Variants in LAMA2 observed in about 807,000 individuals in gnomAD.
LAMA2 encodes laminin subunit alpha 2.
Under a neutral mutation model 364.8 loss-of-function variants are expected in LAMA2, and 269 were observed. The observed-to-expected ratio is 0.74, with a 90% CI of 0.67 to 0.82. The LOEUF (loss-of-function observed/expected upper bound fraction) is 0.82. LAMA2 is among the 40% of genes least tolerant of loss of function. The pLI, the probability that LAMA2 is intolerant of heterozygous loss-of-function variation, is 0.00. For synonymous variants in LAMA2, 1,379 were observed against 1,370.6 expected, an observed-to-expected ratio of 1.01 and a Z score of -0.14; for missense variants, 3,807 against 3,873.2, an observed-to-expected ratio of 0.98 and a Z score of 0.45.
At chr6:129,438,982 A>G (rs1781969998) in intron 42 of LAMA2, among the ~76,000 whole-genome samples, 1 of 151,962 alleles carries the variant, frequency 6.6e-6, no homozygotes, top group Non-Finnish European at 1.5e-5. Context: ...CAGTATCCTT[A>G]GGAATGTGTT....
chr6:129,059,853 G>A lies in LAMA2; in HGVS notation c.353G>A (p.Gly118Glu), dbSNP rs1178373769. ...TGGCAGAGTCCCAGTATTAAGAATGGAATCGAATACCATTATGTGACAATT... is the reference window on the plus strand; with the variant it reads ...TGGCAGAGTCCCAGTATTAAGAATGAAATCGAATACCATTATGTGACAATT... ...TWWQSPSIKN[G>E]IEYHYVTITL... is the part of the protein sequence containing the mutation. Residue 118 changes from glycine to glutamate, a missense_variant, in exon 3 of 65, where the codon GGA (glycine) becomes GAA (glutamate). Physicochemically the swap from Gly to Glu is moderately conservative, Grantham distance 98. Around this residue, in one of 3 missense-constraint regions of LAMA2, gnomAD observed 394 missense variants for 403.5 expected, o/e 0.98. Coordinates refer to ENST00000421865, the MANE Select transcript of LAMA2 (RefSeq NM_000426.4). 6.2e-7 allele frequency: 1 copy of A among 1,606,962 alleles called. No homozygotes were observed.
At chr6:129,010,708 G>T (rs550877355) in intron 1 of LAMA2, among the ~76,000 whole-genome samples, 1 of 152,244 alleles carries the variant, frequency 6.6e-6, no homozygotes, top group South Asian at 2.1e-4. Context: ...ATTATTTGTC[G>T]TGGTAACACA....
intron 9 of LAMA2, among the ~76,000 whole-genome samples, chr6:129,166,130 G>A (rs1051156795): frequency 1.3e-5 from 2 of 152,124 alleles, no homozygotes; most frequent in Non-Finnish European, 2.9e-5. Context: ...AATATAGAAA[G>A]CAAGAAGTGT....
chr6:129,410,414 T>G (rs977451378), intron 40 of LAMA2, among the ~76,000 whole-genome samples: 1 of 152,170 alleles, frequency 6.6e-6, no homozygotes, highest in African/African-American at 2.4e-5. Flanking sequence ...TTGCAATGAC[T>G]GTCATTTTGT....
At chr6:129,501,362 C>T (rs2114884145) in intron 58 of LAMA2, among the ~76,000 whole-genome samples, 1 of 152,328 alleles carries the variant, frequency 6.6e-6, no homozygotes, top group Admixed American at 6.5e-5. Flanking sequence ...CGGCCACAGT[C>T]TGCTCTTTAT....
intron 28 of LAMA2, 51 bp downstream of exon 28, chr6:129,320,706 A>C (rs751005200): frequency 6.6e-5 from 63 of 954,426 alleles, no homozygotes; most frequent in Non-Finnish European, 1.1e-4. Flanking sequence ...TCAGGAGCTA[A>C]ATGGAAATAC....
intron 4 of LAMA2, among the ~76,000 whole-genome samples, chr6:129,113,083 G>A (rs62420963): frequency 6.6e-6 from 1 of 152,028 alleles, no homozygotes; most frequent in Non-Finnish European, 1.5e-5. Flanking sequence ...AGGATGTTTA[G>A]CAGCATAAGG....
rs752992990 is a variant in LAMA2 at position 129,098,297 on chromosome 6, C to G, written c.521C>G (p.Thr174Arg). The G allele has an allele frequency of 7.4e-6, 12 of 1,614,074 alleles. No homozygotes were observed. Among genetic ancestry groups the G allele is most frequent in the Middle Eastern group, 1.6e-4 (1 of 6,062 alleles). ...KPWQYHAVTD[T>R]ECLTLYNIYP... ...TGGCAGTATCATGCTGTGACAGACA[C>G]GGAGTGCCTAACGCTTTACAATATT... Residue 174 changes from threonine (T) to arginine (R), a missense_variant, in exon 4 of 65, where the codon ACG becomes AGG. Transcript: ENST00000421865.
At chr6:129,267,467 G>A (rs1787601212) in intron 16 of LAMA2, among the ~76,000 whole-genome samples, 1 of 151,868 alleles carries the variant, frequency 6.6e-6, no homozygotes, top group African/African-American at 2.4e-5. Flanking sequence ...TTTTTATAAG[G>A]CATAACTTCT....
intron 44 of LAMA2, 27 bp from the exon 45 acceptor site, chr6:129,445,640 C>A: frequency 6.2e-7 from 1 of 1,604,750 alleles, no homozygotes; most frequent in Non-Finnish European, 8.5e-7. Flanking sequence ...CATGCATATA[C>A]ATGCACACTA....
chr6:129,350,215 G>A (rs962339579), intron 31 of LAMA2, among the ~76,000 whole-genome samples: 1 of 152,190 alleles, frequency 6.6e-6, no homozygotes, highest in African/African-American at 2.4e-5. Context: ...ACACATGATA[G>A]TTTTAGCATA....
intron 1 of LAMA2, among the ~76,000 whole-genome samples, chr6:128,920,638 G>A (rs943742252): frequency 3.3e-5 from 5 of 149,648 alleles, no homozygotes; most frequent in African/African-American, 9.9e-5. Flanking sequence ...GTTTCTCTAG[G>A]GCCTTATAAG....
At chr6:128,949,487 T>A (rs115279490) in intron 1 of LAMA2, among the ~76,000 whole-genome samples, 276 of 151,130 alleles carry the variant, frequency 1.8e-3, no homozygotes, top group African/African-American at 6.5e-3. Context: ...AATATCAAAA[T>A]GTGGAAATGT....
intron 16 of LAMA2, 23 bp from the exon 17 acceptor site, chr6:129,270,601 T>C: frequency 6.2e-7 from 1 of 1,612,452 alleles, no homozygotes; most frequent in Non-Finnish European, 8.5e-7. Flanking sequence ...AATAATAAAC[T>C]CTGATGCTCA....
chr6:129,427,944 T>C (rs1354398173), intron 41 of LAMA2, 90 bp downstream of exon 41: 2 of 848,310 alleles, frequency 2.4e-6, no homozygotes, highest in African/African-American at 3.4e-5. Context: ...ATGTAATTTC[T>C]TTAGCATGAT....
intron 1 of LAMA2, among the ~76,000 whole-genome samples, chr6:129,029,633 T>G (rs750329705): frequency 6.6e-6 from 1 of 151,972 alleles, no homozygotes; most frequent in Non-Finnish European, 1.5e-5. Flanking sequence ...TTGGTAATGA[T>G]GAGCAATTTT....
chr6:129,369,316 A>G (rs1329781349), intron 33 of LAMA2, among the ~76,000 whole-genome samples: 1 of 152,110 alleles, frequency 6.6e-6, no homozygotes, highest in Non-Finnish European at 1.5e-5. Context: ...GACCTTGTCT[A>G]ATTTAGTGTC....
chr6:128,933,254 G>GTC (rs1562845140), intron 1 of LAMA2, among the ~76,000 whole-genome samples: 275 of 151,568 alleles, frequency 1.8e-3, no homozygotes, highest in African/African-American at 6.4e-3. Flanking sequence ...GTGTGTGTGT[G>GTC]TGTGTGTGTG....
chr6:129,263,463 C>A (rs1049620468), intron 15 of LAMA2, among the ~76,000 whole-genome samples: 1 of 152,010 alleles, frequency 6.6e-6, no homozygotes, highest in Non-Finnish European at 1.5e-5. Flanking sequence ...ACAGCTAAAT[C>A]GAGTGTTGAA....
Sources: allele counts gnomAD v4.1 joint callset (sites outside exome capture counted in the v4.1 genomes callset), GRCh38; gene constraint gnomAD v4.1.1; regional missense constraint gnomAD v4.1.1; transcripts MANE v1.5; gene names NCBI Gene and HGNC (gene_info 2026-07-23, HGNC 2026-07-21).